The following IGSF11 variants were observed in gnomAD, a reference collection of about 807,000 sequenced individuals.
The protein encoded by IGSF11 is CXADR like 1.
Under a neutral mutation model 41.0 loss-of-function variants are expected in IGSF11, and 22 were observed. The observed-to-expected ratio is 0.54, with a 90% CI of 0.38 to 0.77. The LOEUF (loss-of-function observed/expected upper bound fraction) is 0.77. Among genes scored for constraint, IGSF11 ranks in the 30% least tolerant of loss-of-function variants. IGSF11 has a pLI of 0.00. For missense variants in IGSF11, 444 were observed against 530.8 expected (o/e 0.84, Z 1.61); for synonymous variants, 219 against 201.3 (o/e 1.09, Z -0.74).
At chr3:119,092,373 G>C (rs1440831596) in intron 1 of IGSF11, among the ~76,000 whole-genome samples, 4 of 152,010 alleles carry the variant, frequency 2.6e-5, no homozygotes, top group African/African-American at 9.7e-5. Context: ...GTCTCGCTCT[G>C]TTGACCAGGC....
intron 1 of IGSF11, among the ~76,000 whole-genome samples, chr3:119,023,250 G>A (rs937540060): frequency 7.4e-4 from 76 of 102,862 alleles, no homozygotes; most frequent in Non-Finnish European, 7.7e-4. Flanking sequence ...GCGACAGAGC[G>A]AGACTCCGTC....
intron 1 of IGSF11, among the ~76,000 whole-genome samples, chr3:118,999,131 T>C (rs1936559409): frequency 6.6e-6 from 1 of 151,980 alleles, no homozygotes; most frequent in African/African-American, 2.4e-5. Flanking sequence ...CTGACAATAC[T>C]AATGCCCTGT....
chr3:118,944,302 T>C lies in IGSF11; in HGVS notation c.53-14027A>G, dbSNP rs539860303. On this transcript the variant is annotated intron_variant, in intron 1 of 6. Transcript: ENST00000393775. ...TCTAATACAATGTATCTAGGTTTAC[T>C]TTCTATGACCTTCAAGGCTCTGCTT... 4.6e-5 allele frequency among the ~76,000 whole-genome samples: 7 copies of C among 152,320 alleles called. No individual in the cohort carries two copies. The East Asian group carries it at 1.3e-3, about 29-fold the overall frequency.
rs753499095 is a variant in IGSF11, at chr3:118,904,664, T to A, written c.838A>T (p.Ile280Phe). The change falls in exon 6 of 7, where the codon ATT (isoleucine) becomes TTT (phenylalanine). Residue 280 changes from isoleucine (I) to phenylalanine (F), a missense_variant. Coordinates refer to ENST00000393775, the MANE Select transcript of IGSF11 (RefSeq NM_001015887.3). ...CATACAAACCTTATTTCATTAGGAA[T>A]TTCTTCTTCTTCCTCCTCTTTATTT... is the stretch of plus-strand genomic sequence containing the variant. ...SKNKEEEEEE[I>F]PNEIREDDLP... 1.2e-6 allele frequency: 2 copies of A among 1,609,756 alleles called. No homozygotes were observed. The highest frequency in any genetic ancestry group is 1.7e-6 in the Non-Finnish European group (2 of 1,177,906).
intron 4 of IGSF11, among the ~76,000 whole-genome samples, chr3:118,921,866 A>G (rs774405582): frequency 4.6e-5 from 7 of 152,182 alleles, no homozygotes; most frequent in Admixed American, 1.3e-4. Flanking sequence ...ACCAAAAAAC[A>G]TAAGAGCAAG....
At chr3:119,097,802 T>G (rs956679775) in intron 1 of IGSF11, among the ~76,000 whole-genome samples, 3 of 151,916 alleles carry the variant, frequency 2.0e-5, no homozygotes, top group Non-Finnish European at 2.9e-5. Context: ...TGAGATTGGT[T>G]TTTTTTGAGA....
At position 118,976,121 on chromosome 3, in the gene IGSF11, C is replaced by CT. The variant is rs1559987419; in HGVS notation, c.53-45847dup. ...CAAGTTATGTGTTCCCAGCCCAGCC[C>CT]TAAAGGCAGTTTAAGCTGTATGCAT... is the stretch of plus-strand genomic sequence containing the variant. On this transcript the variant is annotated intron_variant, in intron 1 of 6. Transcript: ENST00000393775. Among the ~76,000 whole-genome samples, 7 of 152,236 alleles carry CT rather than the reference C, an allele frequency of 4.6e-5. 1 individual carries two copies. The South Asian group carries it at 1.2e-3, about 27-fold the overall frequency.
chr3:119,107,512 G>A (rs866560698), upstream of IGSF11, among the ~76,000 whole-genome samples: 61 of 151,482 alleles, frequency 4.0e-4, no homozygotes, highest in African/African-American at 1.2e-3. Flanking sequence ...AGTAGGTTGC[G>A]AAAATTTTCT....
At chr3:118,936,009 A>T (rs1943245176) in intron 1 of IGSF11, among the ~76,000 whole-genome samples, 2 of 152,086 alleles carry the variant, frequency 1.3e-5, no homozygotes, top group African/African-American at 4.8e-5. Flanking sequence ...ATATTGATAG[A>T]ACTATGTGTA....
chr3:119,033,548 G>A (rs35860), intron 1 of IGSF11, among the ~76,000 whole-genome samples: 1 of 152,148 alleles, frequency 6.6e-6, no homozygotes, highest in Non-Finnish European at 1.5e-5. Flanking sequence ...ATCTGCACAA[G>A]TTAAGTTGGC....
intron 1 of IGSF11, among the ~76,000 whole-genome samples, chr3:119,029,936 T>C (rs1191429768): frequency 2.0e-5 from 3 of 152,186 alleles, no homozygotes; most frequent in South Asian, 2.1e-4. Flanking sequence ...CACAAATCTA[T>C]TACACTTTAA....
intron 1 of IGSF11, among the ~76,000 whole-genome samples, chr3:119,076,414 A>G (rs1428404656): frequency 2.0e-5 from 3 of 152,260 alleles, no homozygotes; most frequent in Admixed American, 6.5e-5. Flanking sequence ...GACAAATGGG[A>G]TCTAATTAAG....
intron 1 of IGSF11, among the ~76,000 whole-genome samples, chr3:119,099,687 C>G (rs2076911252): frequency 6.6e-6 from 1 of 152,282 alleles, no homozygotes; most frequent in South Asian, 2.1e-4. Flanking sequence ...GACACAAGGG[C>G]TGGTTAGAAA....
intron 1 of IGSF11, among the ~76,000 whole-genome samples, chr3:119,053,059 G>T (rs1941689332): frequency 6.6e-6 from 1 of 152,130 alleles, no homozygotes; most frequent in Non-Finnish European, 1.5e-5. Flanking sequence ...GGGAAAAGTT[G>T]AAAGCTTTCC....
chr3:119,143,866 G>C (rs2077682320), intron 1 of IGSF11, among the ~76,000 whole-genome samples: 1 of 152,078 alleles, frequency 6.6e-6, no homozygotes, highest in South Asian at 2.1e-4. Flanking sequence ...GAGGGACGAA[G>C]AAGTGCATTA....
rs1938809090 is a variant in IGSF11 at position 118,901,208 on chromosome 3, G to A, written c.*1312C>T. Reference sequence around the variant, plus strand: ...ATCTACATAGCACAAAATAAAGTGGGGGAGTTTGTAAATTAATCTGGTGAA... The same window carrying A: ...ATCTACATAGCACAAAATAAAGTGGAGGAGTTTGTAAATTAATCTGGTGAA... On this transcript the variant is annotated 3_prime_UTR_variant, in exon 7 of 7. Coordinates refer to ENST00000393775, the MANE Select transcript of IGSF11 (RefSeq NM_001015887.3). The A allele has an allele frequency of 6.6e-6, 1 of 152,168 alleles. No homozygotes were observed. The highest frequency in any genetic ancestry group is 6.6e-5 in the Admixed American group (1 of 15,264). The allele number at this position is 152,168 out of a possible 1,614,324, so 9.4% of individuals were successfully genotyped here.
At chr3:119,043,569 C>T (rs1378633560) in intron 1 of IGSF11, among the ~76,000 whole-genome samples, 1 of 152,174 alleles carries the variant, frequency 6.6e-6, no homozygotes. Flanking sequence ...ATCCACATGA[C>T]AATTTTACTG....
intron 1 of IGSF11, among the ~76,000 whole-genome samples, chr3:119,022,999 T>A (rs901563667): frequency 6.6e-6 from 1 of 151,996 alleles, no homozygotes; most frequent in Non-Finnish European, 1.5e-5. Flanking sequence ...CGGTGGCTCA[T>A]GCCTGTAACC....
At position 119,017,039 on chromosome 3, in the gene IGSF11, C is replaced by CAAAAAAAAAAA. The variant is rs60190891; in HGVS notation, c.52+17481_52+17491dup. 4.5e-5 allele frequency among the ~76,000 whole-genome samples: 4 copies of CAAAAAAAAAAA among 88,336 alleles called. 1 individual carries two copies. The highest frequency in any genetic ancestry group is 2.5e-5 in the Non-Finnish European group (1 of 40,008). 58.0% of individuals were successfully genotyped at this position (88,336 alleles called of 152,430 possible). A position where few individuals can be genotyped will look rare whatever the true frequency, so the allele number is the denominator to read the frequency against. On this transcript the variant is annotated intron_variant, in intron 1 of 6. Transcript: ENST00000393775. ...TGAGCAAAGTTAAATGGACGCAGGACAAAAAAAAAAAAAAAAAAGCCAACT... is the reference window on the plus strand; with the variant it reads ...TGAGCAAAGTTAAATGGACGCAGGACAAAAAAAAAAAAAAAAAAAAAAAAAAAAAGCCAACT...
Sources: gnomAD v4.1 joint callset for allele counts (sites outside exome capture counted in the v4.1 genomes callset) on GRCh38, gnomAD v4.1.1 for gene constraint, MANE v1.5 for transcripts, NCBI Gene and HGNC (gene_info 2026-07-23, HGNC 2026-07-21) for gene names.